Variants in CLSTN2 observed in about 807,000 individuals in gnomAD.
CLSTN2 encodes calsyntenin 2, also known as calsyntenin-2.
Under a neutral mutation model 101.2 loss-of-function variants are expected in CLSTN2, and 48 were observed. The ratio of observed to expected loss-of-function variants is 0.47; its 90% CI spans 0.38 to 0.60. The LOEUF (loss-of-function observed/expected upper bound fraction) is 0.60, where lower values mean the gene tolerates loss of function less well. CLSTN2 is among the 20% of genes least tolerant of loss of function. The pLI, the probability that CLSTN2 is intolerant of heterozygous loss-of-function variation, is 0.00. For missense variants in CLSTN2, 1,160 were observed against 1,238.2 expected, an observed-to-expected ratio of 0.94 and a Z score of 0.95; for synonymous variants, 481 against 463.6, an observed-to-expected ratio of 1.04 and a Z score of -0.48.
At chr3:140,116,394 G>T (rs1210462596) in intron 1 of CLSTN2, among the ~76,000 whole-genome samples, 1 of 152,170 alleles carries the variant, frequency 6.6e-6, no homozygotes, top group Admixed American at 6.5e-5. Flanking sequence ...CTGAGCAGGA[G>T]GCTTGCTCAA....
chr3:140,125,841 G>A (rs2107801523), intron 1 of CLSTN2, among the ~76,000 whole-genome samples: 1 of 152,242 alleles, frequency 6.6e-6, no homozygotes, highest in Admixed American at 6.5e-5. Context: ...ATCCAAGGGG[G>A]TGAAGCAGTT....
intron 1 of CLSTN2, among the ~76,000 whole-genome samples, chr3:140,094,684 T>C (rs1185560174): frequency 6.6e-6 from 1 of 152,188 alleles, no homozygotes; most frequent in African/African-American, 2.4e-5. Flanking sequence ...ATACTAATAG[T>C]GTATCCTTTA....
chr3:140,397,535 G>A (rs1016485145), intron 2 of CLSTN2, among the ~76,000 whole-genome samples: 1 of 152,138 alleles, frequency 6.6e-6, no homozygotes, highest in Non-Finnish European at 1.5e-5. Context: ...AGTTCTGGAG[G>A]CTGAGAAGTC....
Position 140,562,935 on chromosome 3 carries a change from T to C in CLSTN2, c.2337T>C (p.Thr779=). The C allele has an allele frequency of 6.2e-7, 1 of 1,614,086 alleles. No homozygotes were observed. The highest frequency in any genetic ancestry group is 8.5e-7 in the Non-Finnish European group (1 of 1,179,994). Residue 779 remains threonine, a synonymous_variant, in exon 14 of 17, where the codon ACT becomes ACC. Transcript: ENST00000458420. ...IKCSELNGRY[T]SNEFNLEVSI... ...GCTCAGAACTCAATGGGCGCTACACTAGCAATGAGTTCAACTTGGAGGTGA... is the reference window on the plus strand; with the variant it reads ...GCTCAGAACTCAATGGGCGCTACACCAGCAATGAGTTCAACTTGGAGGTGA...
At chr3:140,555,142 G>T (rs964298947) in intron 10 of CLSTN2, among the ~76,000 whole-genome samples, 2 of 152,198 alleles carry the variant, frequency 1.3e-5, no homozygotes, top group Non-Finnish European at 2.9e-5. Flanking sequence ...GCCCCTAAAG[G>T]AATGTTGCCA....
At chr3:140,506,557 G>A (rs1934687548) in intron 8 of CLSTN2, 1 of 152,196 alleles carries the variant, frequency 6.6e-6, no homozygotes, top group African/African-American at 2.4e-5. Context: ...AAGAGCCTGG[G>A]AGGACAGGTG....
In CLSTN2 at chr3:140,552,271, C is replaced by A. The variant is rs72980105; in HGVS notation, c.1675-4242C>A. Among the ~76,000 whole-genome samples the A allele has an allele frequency of 2.1e-3, 327 of 152,182 alleles. 3 individuals are homozygous for A. Among genetic ancestry groups the A allele is most frequent in the African/African-American group, 7.8e-3 (323 of 41,534 alleles). On this transcript the variant is annotated intron_variant, in intron 10 of 16. Transcript: ENST00000458420. ...TGGTCACAGCACAGATACCCAAGGG[C>A]GAGTGAGCAATGCCACCCTTTGCTG...
At position 140,343,786 on chromosome 3, in the gene CLSTN2, A is replaced by G. The variant is rs183799083; in HGVS notation, c.233-59843A>G. 2.4e-3 allele frequency among the ~76,000 whole-genome samples: 369 copies of G among 152,362 alleles called. 4 individuals are homozygous for G. Among genetic ancestry groups the G allele is most frequent in the Admixed American group, 0.01 (155 of 15,312 alleles). On this transcript the variant is annotated intron_variant, in intron 2 of 16. Coordinates refer to ENST00000458420, the MANE Select transcript of CLSTN2 (RefSeq NM_022131.3). Reference sequence around the variant, plus strand: ...TTGAAAGAGTTTCTAGGCTGTGACCATAGCAAAAATTTTGCTTATGAATGT... The same window carrying G: ...TTGAAAGAGTTTCTAGGCTGTGACCGTAGCAAAAATTTTGCTTATGAATGT...
chr3:140,070,467 TAAAC>T (rs1164164189), intron 1 of CLSTN2, among the ~76,000 whole-genome samples: 1 of 152,154 alleles, frequency 6.6e-6, no homozygotes, highest in Non-Finnish European at 1.5e-5. Flanking sequence ...TATGCAATGA[TAAAC>T]AAATAGAAAA....
intron 2 of CLSTN2, among the ~76,000 whole-genome samples, chr3:140,298,557 G>T (rs528777326): frequency 2.6e-5 from 4 of 152,198 alleles, no homozygotes; most frequent in African/African-American, 9.7e-5. Context: ...ATGTCTGGCA[G>T]CCTGAGCAGG....
chr3:140,444,528 C>A lies in CLSTN2; in HGVS notation c.788-3991C>A, dbSNP rs552109718. On this transcript the variant is annotated intron_variant, in intron 5 of 16. Transcript: ENST00000458420. ...ATTAAGATACACTCCCCCACTGGGT[C>A]CCTGAAAGGATTAAGTGAAAGGATA... Among the ~76,000 whole-genome samples, 4 of 152,196 alleles carry A rather than the reference C, an allele frequency of 2.6e-5. No individual in the cohort carries two copies. In the East Asian group the frequency reaches 7.7e-4, roughly 29 times the overall value.
At chr3:140,401,606 G>A (rs2088242785) in intron 2 of CLSTN2, among the ~76,000 whole-genome samples, 1 of 152,176 alleles carries the variant, frequency 6.6e-6, no homozygotes, top group African/African-American at 2.4e-5. Context: ...TCCAAGAGAA[G>A]ATTACACTCA....
At chr3:140,565,374 A>G (rs549898532) in intron 16 of CLSTN2, among the ~76,000 whole-genome samples, 19 of 152,258 alleles carry the variant, frequency 1.2e-4, no homozygotes, top group South Asian at 4.1e-4. Flanking sequence ...AAGGAGAAAC[A>G]ACTTTTATGA....
chr3:140,217,157 C>T (rs778202592), intron 2 of CLSTN2, among the ~76,000 whole-genome samples: 2 of 152,200 alleles, frequency 1.3e-5, no homozygotes, highest in Non-Finnish European at 2.9e-5. Context: ...TCTGACTTTA[C>T]AGTTTCCCTA....
intron 9 of CLSTN2, among the ~76,000 whole-genome samples, chr3:140,535,448 G>T (rs1182499505): frequency 1.3e-5 from 2 of 152,216 alleles, no homozygotes; most frequent in Non-Finnish European, 2.9e-5. Context: ...CCACAAAAAT[G>T]ATTTCAAATG....
chr3:139,952,597 A>G (rs1475200121), intron 1 of CLSTN2, among the ~76,000 whole-genome samples: 1 of 152,212 alleles, frequency 6.6e-6, no homozygotes, highest in Non-Finnish European at 1.5e-5. Context: ...CTGAGATTTT[A>G]TGAAATACCT....
intron 1 of CLSTN2, among the ~76,000 whole-genome samples, chr3:140,123,840 A>G (rs2009385590): frequency 1.3e-5 from 1 of 79,118 alleles, no homozygotes; most frequent in African/African-American, 5.1e-5. Context: ...ATGTATGTAT[A>G]TGTGTGTGTG....
chr3:140,125,998 A>C (rs1222041184), intron 1 of CLSTN2, among the ~76,000 whole-genome samples: 1 of 152,176 alleles, frequency 6.6e-6, no homozygotes, highest in African/African-American at 2.4e-5. Flanking sequence ...CAGTGCATTT[A>C]TACTAGAGTG....
At chr3:140,153,673 A>AG (rs1197560507) in intron 1 of CLSTN2, among the ~76,000 whole-genome samples, 1 of 152,212 alleles carries the variant, frequency 6.6e-6, no homozygotes, top group African/African-American at 2.4e-5. Context: ...TTGAGGGTAA[A>AG]GGGCCTTGGG....
Sources: gnomAD v4.1 joint callset for allele counts (sites outside exome capture counted in the v4.1 genomes callset) on GRCh38, gnomAD v4.1.1 for gene constraint, MANE v1.5 for transcripts, NCBI Gene and HGNC (gene_info 2026-07-23, HGNC 2026-07-21) for gene names.